SGCZ: variants seen among roughly 807,000 people sequenced by gnomAD.
SGCZ encodes the protein sarcoglycan zeta, also known as zeta-sarcoglycan.
SGCZ carries 40 observed loss-of-function variants against 41.3 expected under a neutral mutation model. The ratio of observed to expected loss-of-function variants is 0.97; its 90% CI spans 0.75 to 1.26. The LOEUF is 1.26. SGCZ is among the 50% of genes most tolerant of loss of function. The probability of loss-of-function intolerance (pLI) is 0.00; values close to 1 mark genes in which losing one functional copy is unlikely to be tolerated. For missense variants in SGCZ, 552 were observed against 369.8 expected, an observed-to-expected ratio of 1.49 and a Z score of -4.04; for synonymous variants, 206 against 137.5, an observed-to-expected ratio of 1.50 and a Z score of -3.49.
At chr8:14,706,981 CT>C (rs559486370) in intron 1 of SGCZ, among the ~76,000 whole-genome samples, 7,051 of 126,678 alleles carry the variant, frequency 0.056, 395 homozygotes, top group African/African-American at 0.15. Flanking sequence ...TTAGTCAATT[CT>C]TTTTTTTTTT....
At chr8:15,117,639 T>G (rs897377676) in intron 1 of SGCZ, among the ~76,000 whole-genome samples, 3 of 152,164 alleles carry the variant, frequency 2.0e-5, no homozygotes, top group African/African-American at 4.8e-5. Context: ...TGTGAGGATC[T>G]TGGAAGATAT....
At chr8:15,063,138 A>G (rs1380458195) in intron 1 of SGCZ, among the ~76,000 whole-genome samples, 3 of 152,126 alleles carry the variant, frequency 2.0e-5, no homozygotes, top group African/African-American at 7.2e-5. Context: ...ATGAAGTTCC[A>G]CGGTGCTATG....
At chr8:14,935,502 T>C (rs531270419) in intron 1 of SGCZ, among the ~76,000 whole-genome samples, 9 of 152,036 alleles carry the variant, frequency 5.9e-5, no homozygotes, top group East Asian at 5.8e-4. Context: ...GATCCAGTTA[T>C]GGTATTGGAT....
intron 1 of SGCZ, among the ~76,000 whole-genome samples, chr8:14,928,180 A>T (rs922696459): frequency 2.6e-5 from 4 of 152,202 alleles, no homozygotes; most frequent in Non-Finnish European, 5.9e-5. Flanking sequence ...TCTCTGAGTA[A>T]TAAGGAAATT....
intron 3 of SGCZ, among the ~76,000 whole-genome samples, chr8:14,261,887 C>A (rs931745193): frequency 4.6e-5 from 7 of 151,994 alleles, no homozygotes; most frequent in Admixed American, 2.6e-4. Flanking sequence ...AGAAGCAAAG[C>A]AAAAGTAGAG....
At chr8:14,139,900 C>G (rs1051558116) in intron 5 of SGCZ, among the ~76,000 whole-genome samples, 2 of 152,150 alleles carry the variant, frequency 1.3e-5, no homozygotes, top group African/African-American at 2.4e-5. Flanking sequence ...AATTTTAGAT[C>G]AATATCCCTG....
intron 1 of SGCZ, among the ~76,000 whole-genome samples, chr8:15,141,245 T>TG (rs2116996931): frequency 6.6e-6 from 1 of 152,348 alleles, no homozygotes; most frequent in South Asian, 2.1e-4. Flanking sequence ...CAGGGACTGG[T>TG]GGTAGGGGTT....
chr8:14,640,513 C>A (rs1165495129), intron 1 of SGCZ, among the ~76,000 whole-genome samples: 3 of 151,650 alleles, frequency 2.0e-5, no homozygotes, highest in Non-Finnish European at 4.4e-5. Flanking sequence ...TCATCAGTTT[C>A]ACAATAATGT....
chr8:14,378,802 C>T (rs958490130), intron 2 of SGCZ, among the ~76,000 whole-genome samples: 1 of 152,018 alleles, frequency 6.6e-6, no homozygotes, highest in Non-Finnish European at 1.5e-5. Flanking sequence ...CAGCTTGTGT[C>T]CCAGAATTGG....
intron 2 of SGCZ, among the ~76,000 whole-genome samples, chr8:14,363,050 C>T (rs568769441): frequency 6.6e-6 from 1 of 152,032 alleles, no homozygotes; most frequent in East Asian, 1.9e-4. Flanking sequence ...TTTTCAAGGC[C>T]ACTTTCATGG....
chr8:14,535,321 A>T (rs1320835916), intron 2 of SGCZ, among the ~76,000 whole-genome samples: 1 of 151,940 alleles, frequency 6.6e-6, no homozygotes, highest in Non-Finnish European at 1.5e-5. Flanking sequence ...CAGGAAAAAA[A>T]AAAGTCTGCT....
intron 1 of SGCZ, among the ~76,000 whole-genome samples, chr8:14,796,578 A>G (rs1801138690): frequency 6.6e-6 from 1 of 152,204 alleles, no homozygotes; most frequent in Admixed American, 6.5e-5. Context: ...TGAAGATAAC[A>G]TGTACATTAG....
At chr8:14,245,961 G>C (rs1036892830) in intron 3 of SGCZ, among the ~76,000 whole-genome samples, 15 of 152,180 alleles carry the variant, frequency 9.9e-5, no homozygotes, top group African/African-American at 3.4e-4. Context: ...GTGCTGGAGA[G>C]GATGTGGAAA....
chr8:14,175,797 A>AT (rs1804524972), intron 4 of SGCZ, among the ~76,000 whole-genome samples: 1 of 152,160 alleles, frequency 6.6e-6, no homozygotes, highest in Admixed American at 6.5e-5. Flanking sequence ...ATCTAGCTGG[A>AT]TATAAAACCA....
intron 2 of SGCZ, among the ~76,000 whole-genome samples, chr8:14,530,783 G>T (rs191403138): frequency 6.6e-6 from 1 of 151,702 alleles, no homozygotes; most frequent in Non-Finnish European, 1.5e-5. Flanking sequence ...AGAAGCTCAA[G>T]TCCGACATGA....
chr8:14,410,457 A>C (rs762686833), intron 2 of SGCZ, among the ~76,000 whole-genome samples: 2 of 151,924 alleles, frequency 1.3e-5, no homozygotes, highest in Non-Finnish European at 2.9e-5. Context: ...TCCAAGTAGA[A>C]GTGTTCTATT....
chr8:14,308,880 C>CTGTT (rs1801431789), intron 3 of SGCZ, among the ~76,000 whole-genome samples: 1 of 152,100 alleles, frequency 6.6e-6, no homozygotes, highest in East Asian at 1.9e-4. Flanking sequence ...AATAAAATGT[C>CTGTT]TGTTTGATAT....
chr8:14,752,147 A>AAAT (rs1186049846), intron 1 of SGCZ, among the ~76,000 whole-genome samples: 1 of 151,344 alleles, frequency 6.6e-6, no homozygotes, highest in Non-Finnish European at 1.5e-5. Flanking sequence ...AAAAAAAAAA[A>AAAT]AAAAATCATA....
intron 1 of SGCZ, among the ~76,000 whole-genome samples, chr8:15,042,662 C>G (rs1804149185): frequency 6.6e-6 from 1 of 152,110 alleles, no homozygotes; most frequent in Non-Finnish European, 1.5e-5. Context: ...ATTCTGCCAT[C>G]TAATAAACTA....
Sources: gnomAD v4.1 joint callset for allele counts (sites outside exome capture counted in the v4.1 genomes callset) on GRCh38, gnomAD v4.1.1 for gene constraint, MANE v1.5 for transcripts, NCBI Gene and HGNC (gene_info 2026-07-23, HGNC 2026-07-21) for gene names.